DISP3: variants seen among roughly 807,000 people sequenced by gnomAD.
DISP3 encodes protein dispatched homolog 3.
In DISP3, 101 loss-of-function variants were observed where a neutral mutation model predicts 135.3. The observed-to-expected ratio is 0.75, with a 90% CI of 0.64 to 0.88. The LOEUF (loss-of-function observed/expected upper bound fraction) is 0.88. Among genes scored for constraint, DISP3 ranks in the 40% least tolerant of loss-of-function variants. The probability of loss-of-function intolerance (pLI) is 0.00; values close to 1 mark genes in which losing one functional copy is unlikely to be tolerated. For missense variants in DISP3, 1,713 were observed against 1,878.6 expected (o/e 0.91, Z 1.63); for synonymous variants, 856 against 817.0 (o/e 1.05, Z -0.81).
At position 11,534,437 on chromosome 1, in the gene DISP3, G is replaced by C; in HGVS notation, c.3432G>C (p.Glu1144Asp). Reference sequence around the variant, plus strand: ...CCTACTCGGACTACCTGCGCTGGGAGAGCTTCCTCCAGCAGCAGCTGCAGG... The same window carrying C: ...CCTACTCGGACTACCTGCGCTGGGACAGCTTCCTCCAGCAGCAGCTGCAGG... ...FQTYSDYLRWESFLQQQLQAL... is the reference protein window; with the variant it reads ...FQTYSDYLRWDSFLQQQLQAL... The change falls in exon 18 of 21, where the codon GAG becomes GAC. Residue 1144 changes from glutamate to aspartate, a missense_variant. Transcript: ENST00000294484. 6.2e-7 allele frequency: 1 copy of C among 1,614,218 alleles called. No individual in the cohort carries two copies. Among genetic ancestry groups the C allele is most frequent in the Non-Finnish European group, 8.5e-7 (1 of 1,180,040 alleles).
intron 13 of DISP3, among the ~76,000 whole-genome samples, 178 bp downstream of exon 13, chr1:11,527,013 C>T (rs1328976073): frequency 6.6e-6 from 1 of 151,878 alleles, no homozygotes; most frequent in Non-Finnish European, 1.5e-5. Flanking sequence ...TCACTGTAAC[C>T]TCTGCCTCCC....
chr1:11,492,121 CAAAAAAAAAA>C (rs59755389), intron 1 of DISP3, among the ~76,000 whole-genome samples: 1 of 62,148 alleles, frequency 1.6e-5, no homozygotes, highest in Non-Finnish European at 3.1e-5. Flanking sequence ...GACTCCGTCT[CAAAAAAAAAA>C]AAAAAAAAAA....
Position 11,531,008 on chromosome 1 carries a change from G to A in DISP3, c.3204G>A (p.Pro1068=), listed in dbSNP as rs374847712. The A allele has an allele frequency of 2.4e-5, 39 of 1,613,870 alleles. No homozygotes were observed. In the South Asian group the frequency reaches 2.9e-4, roughly 12 times the overall value. Residue 1068 remains proline, a synonymous_variant, in exon 16 of 21, where the codon CCG becomes CCA. Transcript: ENST00000294484. This position sits in a 1 kb window ranked among gnomAD's most constrained non-coding sequence, Gnocchi z 5.2. ...CAGCCAACTCCGAGCTGGTGAAGCCGGGTGGGGCCCAGTGCCTGCCTTCAG... is the reference window on the plus strand; with the variant it reads ...CAGCCAACTCCGAGCTGGTGAAGCCAGGTGGGGCCCAGTGCCTGCCTTCAG... ...AIAANSELVK[P]GGAQCLPSGY...
At chr1:11,530,081 C>G in intron 15 of DISP3, 122 bp downstream of exon 15, 1 of 1,345,196 alleles carries the variant, frequency 7.4e-7, no homozygotes, top group Non-Finnish European at 1.0e-6. Context: ...AATGGCTCCT[C>G]TAACCCAGAC....
At chr1:11,524,364 G>A (rs1242533732) in intron 11 of DISP3, among the ~76,000 whole-genome samples, 2 of 151,972 alleles carry the variant, frequency 1.3e-5, no homozygotes, top group Non-Finnish European at 2.9e-5. Context: ...TGTCCCTGCT[G>A]GAGTCTCCCT....
intron 1 of DISP3, among the ~76,000 whole-genome samples, chr1:11,493,723 C>CA (rs573040513): frequency 0.052 from 7,508 of 143,622 alleles, 259 homozygotes; most frequent in Middle Eastern, 0.1. Context: ...GACTCCATCT[C>CA]AAAAAAAAAA....
In DISP3 at chr1:11,517,550, C is replaced by G. The variant is rs770256216; in HGVS notation, c.1837C>G (p.Leu613Val). ...LAVLVTMPAALGLWSLYLAPL... is the reference protein window; with the variant it reads ...LAVLVTMPAAVGLWSLYLAPL... ...CGTGCTTGTCACCATGCCTGCAGCTCTGGGCCTCTGGAGCCTCTACCTGGC... is the reference window on the plus strand; with the variant it reads ...CGTGCTTGTCACCATGCCTGCAGCTGTGGGCCTCTGGAGCCTCTACCTGGC... Residue 613 changes from leucine (L) to valine (V), a missense_variant, in exon 7 of 21, where the codon CTG becomes GTG. Leu to Val is a conservative substitution (Grantham distance 32). Coordinates refer to ENST00000294484, the MANE Select transcript of DISP3 (RefSeq NM_020780.2). 2 of 1,614,094 alleles carry G rather than the reference C, an allele frequency of 1.2e-6. No homozygotes were observed.
chr1:11,486,369 G>A (rs1641036164), intron 1 of DISP3, among the ~76,000 whole-genome samples: 1 of 152,200 alleles, frequency 6.6e-6, no homozygotes, highest in African/African-American at 2.4e-5. Flanking sequence ...AGAAGTGTCA[G>A]CAGCCGGAAG....
chr1:11,490,894 T>C (rs191064367), intron 1 of DISP3, among the ~76,000 whole-genome samples: 191 of 152,308 alleles, frequency 1.3e-3, no homozygotes, highest in Non-Finnish European at 1.6e-3. Flanking sequence ...TAGTGCTCAA[T>C]GGATGGTAAA....
At chr1:11,494,922 T>A (rs1641290490) in intron 1 of DISP3, among the ~76,000 whole-genome samples, 1 of 152,126 alleles carries the variant, frequency 6.6e-6, no homozygotes, top group Non-Finnish European at 1.5e-5. Context: ...ACAGGGAGGC[T>A]CTGGCATGGG....
chr1:11,501,126 GCTGGCGGCACTGGCCC>G lies in DISP3; in HGVS notation c.140_155del (p.Arg47LeufsTer175). On this transcript the variant is annotated frameshift_variant, in exon 2 of 21. Transcript: ENST00000294484. LOFTEE classifies it high-confidence loss of function. This position sits in a 1 kb window ranked among gnomAD's most constrained non-coding sequence, Gnocchi z 4.9. ...CAACCTGGGGCAGGGGGACAGTGTT[GCTGGCGGCACTGGCCC>G]CTGGCTTCCCGACCCCCAGCTTCGG... The G allele has an allele frequency of 1.2e-6, 2 of 1,613,904 alleles. No individual in the cohort carries two copies. The highest frequency in any genetic ancestry group is 1.7e-6 in the Non-Finnish European group (2 of 1,179,904).
At chr1:11,510,496 T>C (rs1641828348) in intron 3 of DISP3, among the ~76,000 whole-genome samples, 2 of 152,232 alleles carry the variant, frequency 1.3e-5, no homozygotes, top group African/African-American at 4.8e-5. Flanking sequence ...CATTTTATTT[T>C]AATGTATATT....
At chr1:11,521,082 A>G (rs1455881786) in intron 10 of DISP3, among the ~76,000 whole-genome samples, 2 of 152,112 alleles carry the variant, frequency 1.3e-5, no homozygotes, top group African/African-American at 2.4e-5. Context: ...TCCCAAGCTC[A>G]GGGAGTTCAC....
At chr1:11,507,021 T>A (rs147469921) in intron 3 of DISP3, among the ~76,000 whole-genome samples, 19 of 152,310 alleles carry the variant, frequency 1.2e-4, no homozygotes, top group East Asian at 3.9e-4. Flanking sequence ...TTGCCCACAC[T>A]GGTCTCAAAC....
Position 11,502,864 on chromosome 1 carries a change from C to T in DISP3, c.1283C>T (p.Thr428Ile), listed in dbSNP as rs765176201. The T allele has an allele frequency of 2.5e-6, 4 of 1,613,908 alleles. No individual in the cohort carries two copies. Among genetic ancestry groups the T allele is most frequent in the Non-Finnish European group, 3.4e-6 (4 of 1,179,928 alleles). ...QRAKFQSFVV[T>I]YVAMLAKQST... is the part of the protein sequence containing the mutation. ...GCTAAGTTTCAGAGCTTCGTGGTCA[C>T]CTACGTGGCCATGCTGGCCAAGCAG... Residue 428 changes from threonine (T) to isoleucine (I), a missense_variant, in exon 3 of 21, where the codon ACC becomes ATC. By Grantham distance (89) the Thr-to-Ile change is moderately conservative. This residue lies in a region of DISP3 where 1,142 missense variants were observed against 1,384.6 expected (regional missense o/e 0.82). Transcript: ENST00000294484.
At position 11,536,284 on chromosome 1, in the gene DISP3, C is replaced by G. The variant is rs1200295462; in HGVS notation, c.3817-40C>G. 3 of 1,570,704 alleles carry G rather than the reference C, an allele frequency of 1.9e-6. No homozygotes were observed. Among genetic ancestry groups the G allele is most frequent in the Admixed American group, 1.7e-5 (1 of 58,404 alleles). Reference sequence around the variant, plus strand: ...CCCCAGGTGCTGGCCAGAGGGGTCCCGCAGGCAGGCTGGGCTCCCAGCTCT... The same window carrying G: ...CCCCAGGTGCTGGCCAGAGGGGTCCGGCAGGCAGGCTGGGCTCCCAGCTCT... On this transcript the variant is annotated intron_variant, in intron 20 of 20. Transcript: ENST00000294484. This position sits in a 1 kb window ranked among gnomAD's most constrained non-coding sequence, Gnocchi z 4.3.
At chr1:11,524,133 T>C in intron 11 of DISP3, 78 bp downstream of exon 11, 1 of 1,107,648 alleles carries the variant, frequency 9.0e-7, no homozygotes, top group Non-Finnish European at 1.3e-6. Flanking sequence ...GCAGATAAAA[T>C]TCCTTCTGGA....
intron 1 of DISP3, among the ~76,000 whole-genome samples, chr1:11,489,535 C>G (rs1283805793): frequency 6.6e-6 from 1 of 152,198 alleles, no homozygotes; most frequent in Non-Finnish European, 1.5e-5. Context: ...CATGCTGCCC[C>G]CTCCAGTTAT....
chr1:11,515,181 T>TGCAAAGAGGAGGACAG (rs1641972138), intron 4 of DISP3, among the ~76,000 whole-genome samples, 188 bp from the exon 5 acceptor site: 1 of 152,248 alleles, frequency 6.6e-6, no homozygotes, highest in South Asian at 2.1e-4. Context: ...CACTTGGGCC[T>TGCAAAGAGGAGGACAG]CCTGCCCGGT....
Sources: allele counts gnomAD v4.1 joint callset (sites outside exome capture counted in the v4.1 genomes callset), GRCh38; gene constraint gnomAD v4.1.1; regional missense constraint gnomAD v4.1.1; non-coding constraint Gnocchi (gnomAD v3.1); transcripts MANE v1.5; gene names NCBI Gene and HGNC (gene_info 2026-07-23, HGNC 2026-07-21).